Variants in FAAH2 observed in about 807,000 individuals in gnomAD.
The protein encoded by FAAH2 is fatty-acid amide hydrolase 2.
FAAH2 carries 60 observed loss-of-function variants against 36.9 expected under a neutral mutation model. That is an observed-to-expected ratio of 1.63 (90% CI 1.32 to 2.02). The LOEUF (loss-of-function observed/expected upper bound fraction) is 2.02. Among genes scored for constraint, FAAH2 ranks in the 30% most tolerant of loss-of-function variants. FAAH2 has a pLI of 0.00. For missense variants in FAAH2, 689 were observed against 397.5 expected (o/e 1.73, Z -6.23); for synonymous variants, 214 against 143.8 (o/e 1.49, Z -3.49).
At chrX:57,126,056 C>T in the FAAH2 span, among the ~76,000 whole-genome samples, 2 of 112,023 alleles carry the variant, frequency 1.8e-5, no homozygotes, top group East Asian at 2.8e-4. Flanking sequence ...AAAAAAGAGG[C>T]CAGACAACAA....
At chrX:57,350,498 A>T (rs190019392) in intron 5 of FAAH2, among the ~76,000 whole-genome samples, 2,958 of 110,967 alleles carry the variant, frequency 0.027, 115 homozygotes, top group African/African-American at 0.091. Context: ...TGGCAGGAAG[A>T]AAACCTCAAT....
chrX:57,249,336 A>C, the FAAH2 span, among the ~76,000 whole-genome samples: 1 of 112,097 alleles, frequency 8.9e-6, no homozygotes, highest in South Asian at 3.7e-4. Flanking sequence ...AAACAAAACC[A>C]TTAAGACCTT....
At chrX:57,202,922 C>A in the FAAH2 span, among the ~76,000 whole-genome samples, 1 of 112,066 alleles carries the variant, frequency 8.9e-6, no homozygotes, top group Non-Finnish European at 1.9e-5. Context: ...TCACCACCAC[C>A]AGAGCCCTGC....
intron 9 of FAAH2, 67 bp downstream of exon 9, chrX:57,447,106 A>C (rs1421567193): frequency 1.2e-6 from 1 of 859,401 alleles, no homozygotes; most frequent in Non-Finnish European, 1.6e-6. Context: ...TCTAAATATA[A>C]ATTTTGGACT....
chrX:57,372,094 GC>G (rs869200219), intron 5 of FAAH2, among the ~76,000 whole-genome samples: 3 of 63,257 alleles, frequency 4.7e-5, no homozygotes, highest in East Asian at 5.9e-4. Flanking sequence ...TGTGAATAGT[GC>G]TGTGATGAAC....
At chrX:57,465,123 C>T (rs1448824075) in intron 10 of FAAH2, among the ~76,000 whole-genome samples, 1 of 110,919 alleles carries the variant, frequency 9.0e-6, no homozygotes, top group East Asian at 2.8e-4. Flanking sequence ...TAGAGGAGCT[C>T]AACATTATGT....
the FAAH2 span, among the ~76,000 whole-genome samples, chrX:57,166,434 G>A: frequency 8.9e-6 from 1 of 111,766 alleles, no homozygotes; most frequent in Non-Finnish European, 1.9e-5. Flanking sequence ...ATGCTGCCAT[G>A]GGATTGGCGA....
chrX:57,474,948 G>A (rs868013576), intron 10 of FAAH2, among the ~76,000 whole-genome samples: 3 of 111,855 alleles, frequency 2.7e-5, no homozygotes, highest in Middle Eastern at 4.2e-3. Context: ...CTAATGACCA[G>A]TGATAAGGAG....
chrX:57,471,903 C>T (rs1259978968), intron 10 of FAAH2, among the ~76,000 whole-genome samples: 1 of 111,155 alleles, frequency 9.0e-6, no homozygotes, highest in Non-Finnish European at 1.9e-5. Context: ...AGATACAGAC[C>T]AATGGAACAG....
the FAAH2 span, among the ~76,000 whole-genome samples, chrX:57,192,729 T>A: frequency 8.9e-6 from 1 of 111,978 alleles, no homozygotes; most frequent in East Asian, 2.8e-4. Flanking sequence ...TTGTGAAGAT[T>A]TCGTGGACAT....
the FAAH2 span, among the ~76,000 whole-genome samples, chrX:57,156,270 C>T: frequency 8.9e-6 from 1 of 111,802 alleles, no homozygotes; most frequent in Admixed American, 9.5e-5. Context: ...TGATGGAATT[C>T]TGAATACCTT....
Position 57,286,714 on chromosome X carries a change from G to C in FAAH2, c.-112G>C. 3.9e-6 allele frequency: 3 copies of C among 777,506 alleles called. No individual in the cohort carries two copies. Among genetic ancestry groups the C allele is most frequent in the Non-Finnish European group, 5.2e-6 (3 of 581,024 alleles). 64.1% of individuals were successfully genotyped at this position (777,506 alleles called of 1,213,427 possible). A position where few individuals can be genotyped will look rare whatever the true frequency, so the allele number is the denominator to read the frequency against. On this transcript the variant is annotated 5_prime_UTR_variant, in exon 1 of 11. Coordinates refer to ENST00000374900, the MANE Select transcript of FAAH2 (RefSeq NM_174912.4). ...CCTGTGGAATTGTGGGTAGACACTG[G>C]ACTTGTAAACGAAAAGCTTCATAAG...
At chrX:57,452,656 T>C (rs1238826435) in intron 10 of FAAH2, among the ~76,000 whole-genome samples, 9 of 112,201 alleles carry the variant, frequency 8.0e-5, no homozygotes, top group Non-Finnish European at 1.3e-4. Context: ...AACAAATACA[T>C]AATTAAAAAT....
intron 3 of FAAH2, among the ~76,000 whole-genome samples, chrX:57,330,925 G>T (rs1199181775): frequency 9.1e-6 from 1 of 110,307 alleles, no homozygotes; most frequent in Admixed American, 9.7e-5. Context: ...GCCCCAGGAC[G>T]TACTTAGGGG....
In FAAH2 at chrX:57,341,301, G is replaced by C. The variant is rs777298575; in HGVS notation, c.653G>C (p.Cys218Ser). Residue 218 changes from cysteine to serine, a missense_variant, in exon 5 of 11, where the codon TGC (cysteine) becomes TCC (serine). By Grantham distance (112) the Cys-to-Ser change is moderately radical. Coordinates refer to ENST00000374900, the MANE Select transcript of FAAH2 (RefSeq NM_174912.4). Reference protein sequence around the residue: ...GGEGCTLAAACSVIGVGSDIG... With the variant: ...GGEGCTLAAASSVIGVGSDIG... ...GAGGGCTGCACACTGGCAGCTGCCT[G>C]CTCAGTTATTGGTGTGGGCTCTGAT... The C allele has an allele frequency of 2.5e-6, 3 of 1,209,169 alleles. No individual in the cohort carries two copies. In the South Asian group the frequency reaches 5.3e-5, roughly 21 times the overall value.
At chrX:57,279,150 A>G in the FAAH2 span, among the ~76,000 whole-genome samples, 53 of 112,373 alleles carry the variant, frequency 4.7e-4, 1 homozygote, top group Admixed American at 5.0e-3. Flanking sequence ...AGAAACATGA[A>G]CACGTATGTT....
chrX:57,381,001 A>G lies in FAAH2; in HGVS notation c.968A>G (p.Asp323Gly), dbSNP rs748902140. Reference protein sequence around the residue: ...DGGSFLMSKVDQDLIMTQKKV... With the variant: ...DGGSFLMSKVGQDLIMTQKKV... ...GGCTCATTTTTAATGTCCAAAGTGG[A>G]CCAAGATCTCATTATGACTCAGAAA... Residue 323 changes from aspartate (D) to glycine (G), a missense_variant, in exon 7 of 11, where the codon GAC becomes GGC. By Grantham distance (94) the Asp-to-Gly change is moderately conservative. Transcript: ENST00000374900. 1 of 1,188,267 alleles carries G rather than the reference A, an allele frequency of 8.4e-7. No homozygotes were observed. The highest frequency in any genetic ancestry group is 1.1e-6 in the Non-Finnish European group (1 of 882,301).
At chrX:57,344,424 A>G (rs747423362) in intron 5 of FAAH2, among the ~76,000 whole-genome samples, 9 of 111,422 alleles carry the variant, frequency 8.1e-5, no homozygotes, top group Non-Finnish European at 1.3e-4. Context: ...TGAAGTGTAG[A>G]AATGCTACTG....
At chrX:57,260,660 CA>C in the FAAH2 span, among the ~76,000 whole-genome samples, 2 of 110,735 alleles carry the variant, frequency 1.8e-5, no homozygotes, top group African/African-American at 6.5e-5. Context: ...CAAGAATCTA[CA>C]AAAAATCTTA....
Sources: gnomAD v4.1 joint callset for allele counts (sites outside exome capture counted in the v4.1 genomes callset) on GRCh38, gnomAD v4.1.1 for gene constraint, MANE v1.5 for transcripts, NCBI Gene and HGNC (gene_info 2026-07-23, HGNC 2026-07-21) for gene names.